Variants in SPTY2D1 observed in about 807,000 individuals in gnomAD.
SPTY2D1 encodes protein SPT2 homolog.
SPTY2D1 carries 21 observed loss-of-function variants against 64.0 expected under a neutral mutation model. That is an observed-to-expected ratio of 0.33 (90% CI 0.23 to 0.47). SPTY2D1 has a LOEUF of 0.47. SPTY2D1 is among the 20% of genes least tolerant of loss of function. The pLI, the probability that SPTY2D1 is intolerant of heterozygous loss-of-function variation, is 1.00. For synonymous variants in SPTY2D1, 287 were observed against 286.8 expected, an observed-to-expected ratio of 1.00 and a Z score of -0.01; for missense variants, 724 against 837.2, an observed-to-expected ratio of 0.86 and a Z score of 1.67.
At position 18,607,702 on chromosome 11, in the gene SPTY2D1, CTT is replaced by C. The variant is rs1252683242; in HGVS notation, c.*2157_*2158del. 1 of 152,256 alleles carries C rather than the reference CTT, an allele frequency of 6.6e-6. No homozygotes were observed. Among genetic ancestry groups the C allele is most frequent in the African/African-American group, 2.4e-5 (1 of 41,436 alleles). 9.4% of individuals were successfully genotyped at this position (152,256 alleles called of 1,614,324 possible). On this transcript the variant is annotated 3_prime_UTR_variant, in exon 6 of 6. Transcript: ENST00000336349. Reference sequence around the variant, plus strand: ...GGAAACAAGGCCAAAATTTAAAAGACTTAACCTTTTTTTTCTTTTAAATGAGC... The same window carrying C: ...GGAAACAAGGCCAAAATTTAAAAGACAACCTTTTTTTTCTTTTAAATGAGC...
chr11:18,633,422 A>C (rs915189609), intron 1 of SPTY2D1, among the ~76,000 whole-genome samples: 1 of 152,178 alleles, frequency 6.6e-6, no homozygotes, highest in African/African-American at 2.4e-5. Context: ...GCTTATGCAA[A>C]ACAGCCATAA....
rs776761161 is a variant in SPTY2D1 at position 18,615,629 on chromosome 11, T to G, written c.645A>C (p.Lys215Asn). 6.2e-7 allele frequency: 1 copy of G among 1,614,222 alleles called. No homozygotes were observed. Among genetic ancestry groups the G allele is most frequent in the South Asian group, 1.1e-5 (1 of 91,084 alleles). ...GTAGTTTTCCATCTGTCTCAAGTTT[T>G]TTTCTCCTATGCTTTCGTTCAAGGA... is the stretch of plus-strand genomic sequence containing the variant. The part of the protein sequence containing the change: ...REFLERKHRR[K>N]KLETDGKLPP... The change falls in exon 3 of 6, where the codon AAA becomes AAC. Residue 215 changes from lysine (K) to asparagine (N), a missense_variant. Transcript: ENST00000336349.
intron 2 of SPTY2D1, 125 bp downstream of exon 2, chr11:18,616,749 AC>A (rs1854305548): frequency 4.0e-6 from 3 of 743,938 alleles, no homozygotes; most frequent in Non-Finnish European, 6.7e-6. Context: ...ACACACACAC[AC>A]ACACACACAC....
At position 18,614,197 on chromosome 11, in the gene SPTY2D1, G is replaced by A. The variant is rs1355889506; in HGVS notation, c.1711+366C>T. On this transcript the variant is annotated intron_variant, in intron 3 of 5. Coordinates refer to ENST00000336349, the MANE Select transcript of SPTY2D1 (RefSeq NM_194285.3). ...CCAGTATTTTGGGAAGCTGAGGAAG[G>A]CGGATCTCTGAGCCCCGGAGTTAGA... is the stretch of plus-strand genomic sequence containing the variant. Among the ~76,000 whole-genome samples, 5 of 152,160 alleles carry A rather than the reference G, an allele frequency of 3.3e-5. No individual in the cohort carries two copies. The South Asian group carries it at 6.2e-4, about 19-fold the overall frequency.
chr11:18,612,322 G>T lies in SPTY2D1; in HGVS notation c.1878C>A (p.Asp626Glu). The change falls in exon 4 of 6, where the codon GAC becomes GAA. Residue 626 changes from aspartate to glutamate, a missense_variant. Asp to Glu is a conservative substitution (Grantham distance 45). Around this residue, in one of 3 missense-constraint regions of SPTY2D1, gnomAD observed 119 missense variants for 172.9 expected, o/e 0.69. Transcript: ENST00000336349. This position sits in a 1 kb window ranked among gnomAD's most constrained non-coding sequence, Gnocchi z 4.6. ...SKHIREIFGY[D>E]RKKYKDESDY... ...ATCTTCTTTAGTCTTACTTTTTTCGGTCATAACCAAAGATTTCTCTAATGT... is the reference window on the plus strand; with the variant it reads ...ATCTTCTTTAGTCTTACTTTTTTCGTTCATAACCAAAGATTTCTCTAATGT... 1 of 1,586,464 alleles carries T rather than the reference G, an allele frequency of 6.3e-7. No individual in the cohort carries two copies. Among genetic ancestry groups the T allele is most frequent in the Non-Finnish European group, 8.5e-7 (1 of 1,170,296 alleles).
rs998657814 is a variant in SPTY2D1, at chr11:18,629,323, A to G, written c.60+4875T>C. On this transcript the variant is annotated intron_variant, in intron 1 of 5. Transcript: ENST00000336349. ...CGAGACCAGCCTGGCCAACATGGTG[A>G]AACCCCCATCTCTTAACTAAAAATA... Among the ~76,000 whole-genome samples, 5 of 7,302 alleles carry G rather than the reference A, an allele frequency of 6.8e-4. No homozygotes were observed. The Admixed American group carries it at 0.02, about 29-fold the overall frequency. 4.8% of individuals were successfully genotyped at this position (7,302 alleles called of 152,430 possible).
At chr11:18,628,274 AT>A (rs1230918270) in intron 1 of SPTY2D1, among the ~76,000 whole-genome samples, 4 of 152,238 alleles carry the variant, frequency 2.6e-5, no homozygotes, top group African/African-American at 9.6e-5. Context: ...CCATTTGGCT[AT>A]TATGAATAAT....
intron 1 of SPTY2D1, among the ~76,000 whole-genome samples, chr11:18,623,631 A>G (rs566896229): frequency 1.1e-4 from 16 of 152,346 alleles, no homozygotes; most frequent in African/African-American, 3.8e-4. Flanking sequence ...CAATGAAGGC[A>G]TAAGAGCAAA....
chr11:18,619,959 A>G (rs569674064), intron 1 of SPTY2D1, among the ~76,000 whole-genome samples: 3 of 152,184 alleles, frequency 2.0e-5, no homozygotes, highest in Non-Finnish European at 4.4e-5. Context: ...TTTGGGATAG[A>G]TATCTTTCAT....
intron 1 of SPTY2D1, among the ~76,000 whole-genome samples, chr11:18,619,026 A>G (rs2134113012): frequency 6.6e-6 from 1 of 152,308 alleles, no homozygotes; most frequent in African/African-American, 2.4e-5. Flanking sequence ...CTCTTTCCAT[A>G]GTGGATAGGG....
At chr11:18,613,355 C>G (rs1854237453) in intron 3 of SPTY2D1, among the ~76,000 whole-genome samples, 1 of 152,236 alleles carries the variant, frequency 6.6e-6, no homozygotes, top group Non-Finnish European at 1.5e-5. Flanking sequence ...CTGGGAACAA[C>G]TACTTTCTAG....
chr11:18,627,803 C>A (rs565508869), intron 1 of SPTY2D1, among the ~76,000 whole-genome samples: 1 of 150,540 alleles, frequency 6.6e-6, no homozygotes, highest in African/African-American at 2.4e-5. Context: ...GGCGTGAGCC[C>A]GCGAGGCGGA....
chr11:18,617,209 C>T (rs1370162650), intron 1 of SPTY2D1, among the ~76,000 whole-genome samples: 1 of 151,956 alleles, frequency 6.6e-6, no homozygotes, highest in Non-Finnish European at 1.5e-5. Context: ...ATGTAACATC[C>T]CAAAATAATG....
intron 1 of SPTY2D1, among the ~76,000 whole-genome samples, chr11:18,631,740 T>C (rs946222794): frequency 4.6e-5 from 7 of 152,186 alleles, no homozygotes; most frequent in Admixed American, 2.0e-4. Flanking sequence ...GGTTTGGGTA[T>C]ATTAGAAATG....
At position 18,609,005 on chromosome 11, in the gene SPTY2D1, TCA is replaced by T. The variant is rs367775742; in HGVS notation, c.*854_*855del. On this transcript the variant is annotated 3_prime_UTR_variant, in exon 6 of 6. Coordinates refer to ENST00000336349, the MANE Select transcript of SPTY2D1 (RefSeq NM_194285.3). ...TGGGGGAGGGGAGGAGGGGAGAGCC[TCA>T]CATGTTACTTCCTTATTTTATAAAC... 193 of 152,702 alleles carry T rather than the reference TCA, an allele frequency of 1.3e-3. No individual in the cohort carries two copies. The highest frequency in any genetic ancestry group is 4.5e-3 in the African/African-American group (187 of 41,558). The allele number at this position is 152,702 out of a possible 1,614,324, so 9.5% of individuals were successfully genotyped here.
chr11:18,609,759 C>T lies in SPTY2D1; in HGVS notation c.*102G>A. 4.1e-6 allele frequency: 4 copies of T among 979,280 alleles called. No homozygotes were observed. Among genetic ancestry groups the T allele is most frequent in the Non-Finnish European group, 6.3e-6 (4 of 639,884 alleles). 60.7% of individuals were successfully genotyped at this position (979,280 alleles called of 1,614,324 possible). The stretch of plus-strand genomic sequence containing the variant: ...AGTATGCATTCCTTCTCCTTGAGTA[C>T]CCAAGTATAAATCTAAAATGATAAG... On this transcript the variant is annotated 3_prime_UTR_variant, in exon 6 of 6. Coordinates refer to ENST00000336349, the MANE Select transcript of SPTY2D1 (RefSeq NM_194285.3).
intron 1 of SPTY2D1, among the ~76,000 whole-genome samples, chr11:18,620,530 C>A (rs1180925652): frequency 6.6e-6 from 1 of 151,564 alleles, no homozygotes; most frequent in Non-Finnish European, 1.5e-5. Flanking sequence ...TTTACCTCAG[C>A]AATAATATCC....
At chr11:18,617,012 T>A (rs1854310346) in intron 1 of SPTY2D1, 23 bp from the exon 2 acceptor site, 1 of 1,600,030 alleles carries the variant, frequency 6.2e-7, no homozygotes, top group East Asian at 2.2e-5. Flanking sequence ...ACAGTAAAAG[T>A]TAGAAGCAAT....
chr11:18,622,212 G>C (rs34637245), intron 1 of SPTY2D1, among the ~76,000 whole-genome samples: 152 of 151,500 alleles, frequency 1.0e-3, no homozygotes, highest in African/African-American at 3.6e-3. Flanking sequence ...TGGGTCACTC[G>C]AGATCATCTT....
Sources: allele counts gnomAD v4.1 joint callset (sites outside exome capture counted in the v4.1 genomes callset), GRCh38; gene constraint gnomAD v4.1.1; regional missense constraint gnomAD v4.1.1; non-coding constraint Gnocchi (gnomAD v3.1); transcripts MANE v1.5; gene names NCBI Gene and HGNC (gene_info 2026-07-23, HGNC 2026-07-21).